Variants in ARHGEF4 observed in about 807,000 individuals in gnomAD.
ARHGEF4 encodes Rho guanine nucleotide exchange factor 4.
A neutral mutation model predicts 162.0 loss-of-function variants in ARHGEF4; 119 were observed. The ratio of observed to expected loss-of-function variants is 0.73; its 90% CI spans 0.63 to 0.86. The LOEUF is 0.86. ARHGEF4 is among the 40% of genes least tolerant of loss of function. The pLI is 0.00. For synonymous variants in ARHGEF4, 1,014 were observed against 979.9 expected, an observed-to-expected ratio of 1.03 and a Z score of -0.65; for missense variants, 2,488 against 2,456.0, an observed-to-expected ratio of 1.01 and a Z score of -0.28.
In ARHGEF4 at chr2:131,040,114, C is replaced by T. The variant is rs774631851; in HGVS notation, c.4404C>T (p.Asp1468=). The part of the protein sequence containing the change: ...DGGAEAQSSK[D]QMRTNVINEI... ...GGGCGGAGGCGCAGAGCAGCAAGGACCAGATGCGGACCAACGTCATCAACG... is the reference window on the plus strand; with the variant it reads ...GGGCGGAGGCGCAGAGCAGCAAGGATCAGATGCGGACCAACGTCATCAACG... Residue 1468 remains aspartate, a synonymous_variant, in exon 7 of 14, where the codon GAC becomes GAT. Coordinates refer to ENST00000409359, the MANE Select transcript of ARHGEF4 (RefSeq NM_001367493.1). 5.6e-6 allele frequency: 9 copies of T among 1,612,370 alleles called. No homozygotes were observed. The highest frequency in any genetic ancestry group is 7.6e-6 in the Non-Finnish European group (9 of 1,179,108).
chr2:130,934,306 G>A (rs1378753893), intron 3 of ARHGEF4, among the ~76,000 whole-genome samples: 1 of 152,076 alleles, frequency 6.6e-6, no homozygotes, highest in African/African-American at 2.4e-5. Flanking sequence ...AGTGATTCTG[G>A]TCTTATAGAA....
intron 2 of ARHGEF4, among the ~76,000 whole-genome samples, chr2:130,924,508 C>T (rs896154963): frequency 5.9e-5 from 9 of 152,124 alleles, no homozygotes; most frequent in African/African-American, 1.2e-4. Context: ...CCTTGTGATC[C>T]GCCCAGACCG....
chr2:131,004,208 C>T (rs1453830851), intron 4 of ARHGEF4, among the ~76,000 whole-genome samples: 2 of 152,122 alleles, frequency 1.3e-5, no homozygotes, highest in Non-Finnish European at 2.9e-5. Flanking sequence ...CTCTGTCGCT[C>T]GGGCTGGAGT....
chr2:130,983,069 T>C (rs1202790238), intron 4 of ARHGEF4, among the ~76,000 whole-genome samples: 1 of 152,206 alleles, frequency 6.6e-6, no homozygotes, highest in Non-Finnish European at 1.5e-5. Context: ...GGAAGCAACC[T>C]GCATATCTAA....
chr2:131,042,079 G>A (rs2105413840), intron 10 of ARHGEF4, 135 bp downstream of exon 10: 2 of 1,314,976 alleles, frequency 1.5e-6, no homozygotes, highest in Non-Finnish European at 1.0e-6. Context: ...GATGCTCATG[G>A]TGTGAAAGCC....
At chr2:131,013,285 T>G (rs1688585133) in intron 4 of ARHGEF4, among the ~76,000 whole-genome samples, 1 of 152,178 alleles carries the variant, frequency 6.6e-6, no homozygotes, top group Admixed American at 6.5e-5. Flanking sequence ...TTTAAAATAA[T>G]ATGCTGAAGA....
chr2:130,895,728 G>C (rs558716724), intron 1 of ARHGEF4, among the ~76,000 whole-genome samples: 2 of 152,232 alleles, frequency 1.3e-5, no homozygotes, highest in African/African-American at 4.8e-5. Flanking sequence ...TTGTTACATA[G>C]TCTAGATATG....
Position 130,999,340 on chromosome 2 carries a change from T to C in ARHGEF4, c.3986-28605T>C, listed in dbSNP as rs1246424506. On this transcript the variant is annotated intron_variant, in intron 4 of 13. Transcript: ENST00000409359. The stretch of plus-strand genomic sequence containing the variant: ...TGGCTAATTTTTTTTGTATTTTTAG[T>C]AGAGACGGGGTTTTACCATGTTAGC... Among the ~76,000 whole-genome samples the C allele has an allele frequency of 2.0e-5, 3 of 152,018 alleles. No homozygotes were observed. In the East Asian group the frequency reaches 5.8e-4, roughly 29 times the overall value.
At chr2:130,971,456 GAGACC>G (rs1045169897) in intron 4 of ARHGEF4, among the ~76,000 whole-genome samples, 1 of 152,100 alleles carries the variant, frequency 6.6e-6, no homozygotes, top group African/African-American at 2.4e-5. Flanking sequence ...TCAGGAGTTT[GAGACC>G]AGCCTGACCA....
chr2:130,931,727 AT>A lies in ARHGEF4; in HGVS notation c.3858+476del, dbSNP rs900974754. Among the ~76,000 whole-genome samples the A allele has an allele frequency of 2.0e-5, 3 of 152,328 alleles. 1 individual carries two copies. Among genetic ancestry groups the A allele is most frequent in the Admixed American group, 6.5e-5 (1 of 15,304 alleles). On this transcript the variant is annotated intron_variant, in intron 3 of 13. Transcript: ENST00000409359. ...GTCTCTAGGACACTTTGACAACATG[AT>A]TTTTTGCATGAAACCGACAGCCTAC...
intron 4 of ARHGEF4, among the ~76,000 whole-genome samples, chr2:130,977,400 G>T (rs1685811376): frequency 1.3e-5 from 2 of 151,714 alleles, no homozygotes; most frequent in African/African-American, 2.4e-5. Flanking sequence ...TGTGTGATGT[G>T]TTTTTTGTGT....
At chr2:130,847,929 T>G (rs976401039) in intron 1 of ARHGEF4, among the ~76,000 whole-genome samples, 1 of 152,066 alleles carries the variant, frequency 6.6e-6, no homozygotes, top group Non-Finnish European at 1.5e-5. Context: ...CTCAGGAGTG[T>G]GTGGGATTGG....
chr2:130,992,273 A>T (rs113411071), intron 4 of ARHGEF4, among the ~76,000 whole-genome samples: 1 of 152,098 alleles, frequency 6.6e-6, no homozygotes, highest in African/African-American at 2.4e-5. Context: ...CTGCGCTAGC[A>T]CTGGCAACCT....
At chr2:130,846,143 A>C (rs1401916445) in intron 1 of ARHGEF4, among the ~76,000 whole-genome samples, 1 of 152,222 alleles carries the variant, frequency 6.6e-6, no homozygotes, top group Non-Finnish European at 1.5e-5. Context: ...CTGAGAGCTC[A>C]AACAAGCCCC....
chr2:130,896,531 G>A (rs534537169), intron 1 of ARHGEF4, among the ~76,000 whole-genome samples: 3 of 152,300 alleles, frequency 2.0e-5, no homozygotes, highest in South Asian at 2.1e-4. Context: ...CCTCCCAACC[G>A]CAATATGAGA....
intron 1 of ARHGEF4, among the ~76,000 whole-genome samples, chr2:130,883,512 T>A (rs973901351): frequency 6.6e-6 from 1 of 152,136 alleles, no homozygotes; most frequent in African/African-American, 2.4e-5. Flanking sequence ...TTCCTTCCCT[T>A]CCCCACTAAA....
At chr2:130,930,136 G>T (rs538826669) in intron 2 of ARHGEF4, among the ~76,000 whole-genome samples, 2 of 152,176 alleles carry the variant, frequency 1.3e-5, no homozygotes, top group South Asian at 4.1e-4. Flanking sequence ...CTCGTGATCT[G>T]CCCGCCTCGG....
In ARHGEF4 at chr2:131,047,021, A is replaced by G. The variant is rs945398862; in HGVS notation, c.*832A>G. ...CTTACGCTCGTGAGCGTGAGAAGCCATAAGAGAGAGACCGAATTCTGTGGC... is the reference window on the plus strand; with the variant it reads ...CTTACGCTCGTGAGCGTGAGAAGCCGTAAGAGAGAGACCGAATTCTGTGGC... On this transcript the variant is annotated 3_prime_UTR_variant, in exon 14 of 14. Transcript: ENST00000409359. 5.9e-5 allele frequency: 9 copies of G among 152,674 alleles called. No individual in the cohort carries two copies. Among genetic ancestry groups the G allele is most frequent in the Non-Finnish European group, 7.3e-5 (5 of 68,036 alleles). The allele number at this position is 152,674 out of a possible 1,614,324, so 9.5% of individuals were successfully genotyped here.
At position 130,852,146 on chromosome 2, in the gene ARHGEF4, G is replaced by A. The variant is rs146589819; in HGVS notation, c.39+15154G>A. Reference sequence around the variant, plus strand: ...GCGCCTGCTCCACGGCACACCCTGCGCTGGGGCTGGGGATGCAGAGGCTCA... The same window carrying A: ...GCGCCTGCTCCACGGCACACCCTGCACTGGGGCTGGGGATGCAGAGGCTCA... On this transcript the variant is annotated intron_variant, in intron 1 of 13. Transcript: ENST00000409359. Among the ~76,000 whole-genome samples, 193 of 152,328 alleles carry A rather than the reference G, an allele frequency of 1.3e-3. 1 individual carries two copies. In the East Asian group the frequency reaches 0.021, roughly 17 times the overall value.
Sources: gnomAD v4.1 joint callset for allele counts (sites outside exome capture counted in the v4.1 genomes callset) on GRCh38, gnomAD v4.1.1 for gene constraint, MANE v1.5 for transcripts, NCBI Gene and HGNC (gene_info 2026-07-23, HGNC 2026-07-21) for gene names.